The following CAV1 variants were observed in gnomAD, a reference collection of about 807,000 sequenced individuals.
CAV1 encodes caveolin 1.
A neutral mutation model predicts 16.5 loss-of-function variants in CAV1; 10 were observed. The ratio of observed to expected loss-of-function variants is 0.61; its 90% CI spans 0.37 to 1.03. CAV1 has a LOEUF of 1.03. Ranked by LOEUF, CAV1 falls within the 50% of genes least tolerant of loss-of-function variation. The pLI is 0.01. For missense variants in CAV1, 212 were observed against 232.8 expected (o/e 0.91, Z 0.58); for synonymous variants, 76 against 85.1 (o/e 0.89, Z 0.59).
At chr7:116,542,086 T>C (rs1459904416) in intron 2 of CAV1, among the ~76,000 whole-genome samples, 2 of 152,168 alleles carry the variant, frequency 1.3e-5, no homozygotes, top group Non-Finnish European at 2.9e-5. Flanking sequence ...GTGGTAAACA[T>C]TGAAAAATAG....
chr7:116,533,774 A>G (rs989187539), intron 2 of CAV1, among the ~76,000 whole-genome samples: 2 of 152,338 alleles, frequency 1.3e-5, no homozygotes, highest in East Asian at 3.9e-4. Context: ...AGTCCAAACA[A>G]CACGTCATTT....
At position 116,538,280 on chromosome 7, in the gene CAV1, A is replaced by G. The variant is rs572221376; in HGVS notation, c.195+11591A>G. ...CTGAGACTTCCTCCCTAGTAATTAC[A>G]TATTTGTTCTCAAAAACAAATGCCA... is the stretch of plus-strand genomic sequence containing the variant. On this transcript the variant is annotated intron_variant, in intron 2 of 2. Coordinates refer to ENST00000341049, the MANE Select transcript of CAV1 (RefSeq NM_001753.5). Among the ~76,000 whole-genome samples the G allele has an allele frequency of 1.4e-4, 22 of 152,354 alleles. No individual in the cohort carries two copies. The South Asian group carries it at 4.1e-3, about 29-fold the overall frequency.
chr7:116,527,632 G>C (rs939539197), intron 2 of CAV1, among the ~76,000 whole-genome samples: 1 of 152,174 alleles, frequency 6.6e-6, no homozygotes, highest in Non-Finnish European at 1.5e-5. Flanking sequence ...ATGGGCTAGA[G>C]CCATCCTTGG....
chr7:116,543,013 C>T (rs762142561), intron 2 of CAV1: 2 of 152,156 alleles, frequency 1.3e-5, no homozygotes, highest in Non-Finnish European at 2.9e-5. Flanking sequence ...AGATACCAGT[C>T]CCTCCTCAGA....
chr7:116,546,108 C>CTA (rs1317300343), intron 2 of CAV1, among the ~76,000 whole-genome samples: 5 of 152,220 alleles, frequency 3.3e-5, no homozygotes, highest in African/African-American at 9.6e-5. Flanking sequence ...AGTATCCATG[C>CTA]TATCGCTGGC....
intron 2 of CAV1, among the ~76,000 whole-genome samples, chr7:116,534,785 AC>A (rs1337623607): frequency 2.0e-5 from 3 of 152,142 alleles, no homozygotes; most frequent in Middle Eastern, 3.2e-3. Flanking sequence ...TCAAATGATT[AC>A]ACTGTGAAGT....
At position 116,560,995 on chromosome 7, in the gene CAV1, A is replaced by G. The variant is rs1219668208; in HGVS notation, c.*1708A>G. 2 of 152,624 alleles carry G rather than the reference A, an allele frequency of 1.3e-5. No individual in the cohort carries two copies. The highest frequency in any genetic ancestry group is 1.9e-4 in the East Asian group (1 of 5,200). 9.5% of individuals were successfully genotyped at this position (152,624 alleles called of 1,614,324 possible). ...ACTTAGGAAATGGCTTTGTGATTCA[A>G]TCTGTAAACTGTGTATTCCAAGACA... On this transcript the variant is annotated 3_prime_UTR_variant, in exon 3 of 3. Transcript: ENST00000341049.
In CAV1 at chr7:116,530,309, A is replaced by C. The variant is rs138885433; in HGVS notation, c.195+3620A>C. ...TTCCCACATATGGTTCTGTATTTTC[A>C]CTTCCCCCTTTTAACTGACATACTG... On this transcript the variant is annotated intron_variant, in intron 2 of 2. Transcript: ENST00000341049. 1.3e-4 allele frequency among the ~76,000 whole-genome samples: 20 copies of C among 148,616 alleles called. 1 individual carries two copies. The East Asian group carries it at 4.0e-3, about 29-fold the overall frequency.
intron 2 of CAV1, among the ~76,000 whole-genome samples, chr7:116,555,697 T>C (rs541176434): frequency 1.0e-3 from 149 of 148,832 alleles, no homozygotes; most frequent in Non-Finnish European, 1.9e-3. Context: ...AAAGACCTAG[T>C]CACCAAAAGC....
At chr7:116,532,437 G>T (rs551116028) in intron 2 of CAV1, among the ~76,000 whole-genome samples, 11 of 152,194 alleles carry the variant, frequency 7.2e-5, no homozygotes, top group Non-Finnish European at 1.3e-4. Context: ...CACCTGCGGG[G>T]TTGGACCTTC....
intron 1 of CAV1, chr7:116,525,946 G>A (rs1465321064): frequency 6.8e-6 from 4 of 584,686 alleles, no homozygotes; most frequent in Non-Finnish European, 6.5e-6. Flanking sequence ...AGGGTGGGGG[G>A]CGCGGGCAGG....
chr7:116,537,170 C>T (rs1793837992), intron 2 of CAV1, among the ~76,000 whole-genome samples: 3 of 152,186 alleles, frequency 2.0e-5, no homozygotes, highest in Non-Finnish European at 4.4e-5. Flanking sequence ...TTTTTACTTT[C>T]AAGAAGATTT....
intron 2 of CAV1, among the ~76,000 whole-genome samples, chr7:116,547,058 T>G (rs1794066417): frequency 6.6e-6 from 1 of 152,208 alleles, no homozygotes; most frequent in Non-Finnish European, 1.5e-5. Flanking sequence ...AATGGCCTTC[T>G]GCCTGAGTGT....
Position 116,559,075 on chromosome 7 carries a change from A to G in CAV1, c.325A>G (p.Ile109Val). 1 of 1,613,942 alleles carries G rather than the reference A, an allele frequency of 6.2e-7. No homozygotes were observed. Among genetic ancestry groups the G allele is most frequent in the Non-Finnish European group, 8.5e-7 (1 of 1,179,930 alleles). Residue 109 changes from isoleucine to valine, a missense_variant, in exon 3 of 3, where the codon ATC (isoleucine) becomes GTC (valine). Coordinates refer to ENST00000341049, the MANE Select transcript of CAV1 (RefSeq NM_001753.5). ...FYRLLSALFG[I>V]PMALIWGIYF... ...CCGCTTGCTGTCTGCCCTCTTTGGC[A>G]TCCCGATGGCACTCATCTGGGGCAT...
At chr7:116,550,626 A>G (rs981683816) in intron 2 of CAV1, among the ~76,000 whole-genome samples, 2 of 152,200 alleles carry the variant, frequency 1.3e-5, no homozygotes. Context: ...CTCACACACA[A>G]CATTTATTCC....
chr7:116,558,623 T>G (rs1648690047), intron 2 of CAV1, among the ~76,000 whole-genome samples: 2 of 150,056 alleles, frequency 1.3e-5, no homozygotes, highest in Admixed American at 1.3e-4. Context: ...TGTGGTGGCA[T>G]GAACCTGTGG....
intron 2 of CAV1, among the ~76,000 whole-genome samples, chr7:116,557,194 G>GT (rs1338285012): frequency 6.6e-6 from 1 of 152,058 alleles, no homozygotes; most frequent in African/African-American, 2.4e-5. Context: ...TGGCCATGCC[G>GT]TTTTTTTCAC....
chr7:116,543,964 T>C (rs1009165583), intron 2 of CAV1, among the ~76,000 whole-genome samples: 4 of 152,210 alleles, frequency 2.6e-5, no homozygotes, highest in Non-Finnish European at 5.9e-5. Flanking sequence ...CTGACTCATA[T>C]AAAGTTTACC....
rs1484548739 is a variant in CAV1, at chr7:116,559,169, A to T, written c.419A>T (p.Glu140Val). Residue 140 changes from glutamate (E) to valine (V), a missense_variant, in exon 3 of 3, where the codon GAG (glutamate) becomes GTG (valine). Coordinates refer to ENST00000341049, the MANE Select transcript of CAV1 (RefSeq NM_001753.5). ...VVPCIKSFLI[E>V]IQCISRVYSI... ...CCATGCATTAAGAGCTTCCTGATTGAGATTCAGTGCATCAGCCGTGTCTAT... is the reference window on the plus strand; with the variant it reads ...CCATGCATTAAGAGCTTCCTGATTGTGATTCAGTGCATCAGCCGTGTCTAT... 1 of 1,613,936 alleles carries T rather than the reference A, an allele frequency of 6.2e-7. No homozygotes were observed. The highest frequency in any genetic ancestry group is 8.5e-7 in the Non-Finnish European group (1 of 1,179,864).
Sources: allele counts gnomAD v4.1 joint callset (sites outside exome capture counted in the v4.1 genomes callset), GRCh38; gene constraint gnomAD v4.1.1; transcripts MANE v1.5; gene names NCBI Gene and HGNC (gene_info 2026-07-23, HGNC 2026-07-21).